The following NEK8 variants were observed in gnomAD, a reference collection of about 807,000 sequenced individuals.
NEK8 encodes serine/threonine-protein kinase Nek8.
NEK8 carries 51 observed loss-of-function variants against 77.2 expected under a neutral mutation model. That is an observed-to-expected ratio of 0.66 (90% CI 0.53 to 0.83). The LOEUF is 0.83. Ranked by LOEUF, NEK8 falls within the 40% of genes least tolerant of loss-of-function variation. NEK8 has a pLI of 0.00. For missense variants in NEK8, 787 were observed against 909.2 expected (o/e 0.87, Z 1.73); for synonymous variants, 365 against 363.2 (o/e 1.00, Z -0.06).
Position 28,740,957 on chromosome 17 carries a change from G to A in NEK8, c.1704G>A (p.Leu568=). The A allele has an allele frequency of 6.2e-7, 1 of 1,614,146 alleles. No individual in the cohort carries two copies. Among genetic ancestry groups the A allele is most frequent in the Non-Finnish European group, 8.5e-7 (1 of 1,180,028 alleles). ...AGGAGCCTCTGCTGAGTATAGACCT[G>A]GGCACTGCTCACTCAGCTGCTGTGA... ...LDQEPLLSID[L]GTAHSAAVTA... Residue 568 remains leucine, a synonymous_variant, in exon 12 of 15, where the codon CTG becomes CTA. Coordinates refer to ENST00000268766, the MANE Select transcript of NEK8 (RefSeq NM_178170.3). The surrounding 1 kb of genome is among the most constrained non-coding windows in gnomAD (Gnocchi z 4.7).
At chr17:28,736,796 T>C (rs1047706327) in intron 4 of NEK8, among the ~76,000 whole-genome samples, 3 of 152,036 alleles carry the variant, frequency 2.0e-5, no homozygotes, top group African/African-American at 7.2e-5. Context: ...TTGTCAATTT[T>C]GGCTTTTGTT....
At chr17:28,738,355 G>A (rs1017181885) in intron 8 of NEK8, 110 bp downstream of exon 8, 11 of 1,301,844 alleles carry the variant, frequency 8.4e-6, no homozygotes, top group Admixed American at 3.7e-5. Context: ...ACTAGTTATC[G>A]AGTTATTGCT....
chr17:28,731,153 C>T (rs1203186669), intron 1 of NEK8, among the ~76,000 whole-genome samples: 3 of 151,992 alleles, frequency 2.0e-5, no homozygotes, highest in Non-Finnish European at 4.4e-5. Flanking sequence ...AGGAGAATCG[C>T]TTGAACCTGG....
intron 1 of NEK8, among the ~76,000 whole-genome samples, chr17:28,730,563 C>G (rs1272599012): frequency 6.6e-6 from 1 of 152,170 alleles, no homozygotes; most frequent in Non-Finnish European, 1.5e-5. Context: ...CGTGAGCCAC[C>G]ACTCCCAGCC....
chr17:28,740,872 C>G lies in NEK8; in HGVS notation c.1619C>G (p.Pro540Arg). 2 of 1,614,080 alleles carry G rather than the reference C, an allele frequency of 1.2e-6. No individual in the cohort carries two copies. The highest frequency in any genetic ancestry group is 8.5e-7 in the Non-Finnish European group (1 of 1,179,990). ...CTCTCCCTGGGGGAGGAGCCTGTCC[C>G]CCACCAGCAAGTGGAGGAGGCCCTG... ...DHLSLGEEPV[P>R]HQQVEEALSF... Residue 540 changes from proline to arginine, a missense_variant, in exon 12 of 15, where the codon CCC (proline) becomes CGC (arginine). Coordinates refer to ENST00000268766, the MANE Select transcript of NEK8 (RefSeq NM_178170.3). The surrounding 1 kb of genome is among the most constrained non-coding windows in gnomAD (Gnocchi z 4.7).
At chr17:28,733,931 T>C in intron 1 of NEK8, 52 bp from the exon 2 acceptor site, 2 of 1,519,450 alleles carry the variant, frequency 1.3e-6, no homozygotes, top group South Asian at 1.1e-5. Context: ...CCCTGCCTGA[T>C]ATGTGGCTGG....
At chr17:28,735,671 T>A (rs1331175691) in intron 4 of NEK8, among the ~76,000 whole-genome samples, 1 of 152,090 alleles carries the variant, frequency 6.6e-6, no homozygotes, top group Admixed American at 6.5e-5. Flanking sequence ...GCAGCTCCCC[T>A]ATCAGACTAG....
chr17:28,742,369 G>A lies in NEK8; in HGVS notation c.*382G>A, dbSNP rs1039107679. The A allele has an allele frequency of 2.6e-5, 9 of 351,896 alleles. No homozygotes were observed. The East Asian group carries it at 3.4e-4, about 13-fold the overall frequency. The allele number at this position is 351,896 out of a possible 1,614,324, so 21.8% of individuals were successfully genotyped here. A position where few individuals can be genotyped will look rare whatever the true frequency, so the allele number is the denominator to read the frequency against. ...AGCACTTTGGGAGGCTGAGGCGGGC[G>A]GATCACGAGGTCAGGAGATCGAGAC... On this transcript the variant is annotated 3_prime_UTR_variant, in exon 15 of 15. Transcript: ENST00000268766.
At chr17:28,739,010 C>A in intron 9 of NEK8, 74 bp from the exon 10 acceptor site, 2 of 1,088,784 alleles carry the variant, frequency 1.8e-6, no homozygotes, top group South Asian at 1.2e-5. Context: ...CCAGCTTTGT[C>A]CCTACAGGGG....
At position 28,741,343 on chromosome 17, in the gene NEK8, A is replaced by G; in HGVS notation, c.1892-70A>G. On this transcript the variant is annotated intron_variant, in intron 13 of 14. Transcript: ENST00000268766. The surrounding 1 kb of genome is among the most constrained non-coding windows in gnomAD (Gnocchi z 4.5). ...GAGCCTCCCAGGGGCCATCCTGGCAATGTGGGAGGGGAGATCCTGCTCGGG... is the reference window on the plus strand; with the variant it reads ...GAGCCTCCCAGGGGCCATCCTGGCAGTGTGGGAGGGGAGATCCTGCTCGGG... 2 of 1,600,800 alleles carry G rather than the reference A, an allele frequency of 1.2e-6. No individual in the cohort carries two copies. Among genetic ancestry groups the G allele is most frequent in the South Asian group, 2.2e-5 (2 of 90,100 alleles).
intron 1 of NEK8, among the ~76,000 whole-genome samples, chr17:28,733,731 A>G (rs2034332387): frequency 6.6e-6 from 1 of 152,146 alleles, no homozygotes; most frequent in Non-Finnish European, 1.5e-5. Flanking sequence ...CCAGATTTGA[A>G]CCCAGGCAGT....
rs779059816 is a variant in NEK8, at chr17:28,740,920, C to T, written c.1667C>T (p.Ala556Val). 3 of 1,614,116 alleles carry T rather than the reference C, an allele frequency of 1.9e-6. No homozygotes were observed. Among genetic ancestry groups the T allele is most frequent in the Non-Finnish European group, 8.5e-7 (1 of 1,180,006 alleles). Residue 556 changes from alanine (A) to valine (V), a missense_variant, in exon 12 of 15, where the codon GCA (alanine) becomes GTA (valine). Coordinates refer to ENST00000268766, the MANE Select transcript of NEK8 (RefSeq NM_178170.3). The surrounding 1 kb of genome is among the most constrained non-coding windows in gnomAD (Gnocchi z 4.7). ...EALSFTLLGSAPLDQEPLLSI... is the reference protein window; with the variant it reads ...EALSFTLLGSVPLDQEPLLSI... ...CTGAGCTTCACACTACTAGGCTCTG[C>T]ACCCCTGGACCAGGAGCCTCTGCTG...
At chr17:28,738,776 G>A (rs1335118023) in intron 9 of NEK8, 29 bp downstream of exon 9, 1 of 1,565,824 alleles carries the variant, frequency 6.4e-7, no homozygotes, top group Non-Finnish European at 8.8e-7. Flanking sequence ...TTGGGAAGGG[G>A]AAGTCGGGGG....
At position 28,734,152 on chromosome 17, in the gene NEK8, G is replaced by C; in HGVS notation, c.217G>C (p.Asp73His). The C allele has an allele frequency of 1.2e-6, 2 of 1,614,244 alleles. No homozygotes were observed. The highest frequency in any genetic ancestry group is 1.1e-5 in the South Asian group (1 of 91,086). Residue 73 changes from aspartate (D) to histidine (H), a missense_variant, in exon 2 of 15, where the codon GAC becomes CAC. By Grantham distance (81) the Asp-to-His change is moderately conservative (BLOSUM62 -1). Transcript: ENST00000268766. ...TGAGTACTACGAGAACTTCCTGGAA[G>C]ACAAAGCCCTTATGATCGCCATGGA... The part of the protein sequence containing the change: ...VIEYYENFLE[D>H]KALMIAMEYA...
At chr17:28,735,082 C>A (rs569812171) in intron 3 of NEK8, 78 bp downstream of exon 3, 28 of 1,505,920 alleles carry the variant, frequency 1.9e-5, no homozygotes, top group African/African-American at 1.6e-4. Flanking sequence ...CTCCCCTCCC[C>A]CTAAAAAACC....
rs532242830 is a variant in NEK8, at chr17:28,728,947, C to G, written c.47+87C>G. On this transcript the variant is annotated intron_variant, in intron 1 of 14. Transcript: ENST00000268766. Reference sequence around the variant, plus strand: ...CCCGCGAAGTCGCCGCCCGCCTAATCCCGCCCCAAGGCGTGAGCGCCACTC... The same window carrying G: ...CCCGCGAAGTCGCCGCCCGCCTAATGCCGCCCCAAGGCGTGAGCGCCACTC... The G allele has an allele frequency of 7.9e-6, 10 of 1,258,038 alleles. No individual in the cohort carries two copies. The Admixed American group carries it at 9.9e-5, about 12-fold the overall frequency. 77.9% of individuals were successfully genotyped at this position (1,258,038 alleles called of 1,614,324 possible). A position where few individuals can be genotyped will look rare whatever the true frequency, so the allele number is the denominator to read the frequency against.
At chr17:28,729,532 A>AT (rs10523946) in intron 1 of NEK8, among the ~76,000 whole-genome samples, 14,662 of 98,070 alleles carry the variant, frequency 0.15, 1,121 homozygotes, top group Middle Eastern at 0.2. Flanking sequence ...AATTTTTTGG[A>AT]TTTTTTTTTT....
At chr17:28,732,545 CTTTTTTTTTTTTT>C (rs1054257308) in intron 1 of NEK8, among the ~76,000 whole-genome samples, 2 of 77,914 alleles carry the variant, frequency 2.6e-5, no homozygotes, top group African/African-American at 5.4e-5. Flanking sequence ...TTTTTCTTTT[CTTTTTTTTTTTTT>C]TTTTTTTTTT....
chr17:28,734,121 T>A lies in NEK8; in HGVS notation c.186T>A (p.Asn62Lys), dbSNP rs2034337294. The A allele has an allele frequency of 1.2e-6, 2 of 1,614,044 alleles. No individual in the cohort carries two copies. The highest frequency in any genetic ancestry group is 2.7e-5 in the African/African-American group (2 of 74,924). ...CQVLKLLNHP[N>K]VIEYYENFLE... is the part of the protein sequence containing the mutation. ...TCCTCAAGCTGCTCAACCACCCCAATGTCATTGAGTACTACGAGAACTTCC... is the reference window on the plus strand; with the variant it reads ...TCCTCAAGCTGCTCAACCACCCCAAAGTCATTGAGTACTACGAGAACTTCC... The change falls in exon 2 of 15, where the codon AAT (asparagine) becomes AAA (lysine). Residue 62 changes from asparagine (N) to lysine (K), a missense_variant. Around this residue, in one of 2 missense-constraint regions of NEK8, gnomAD observed 271 missense variants for 365.1 expected, o/e 0.74. Transcript: ENST00000268766.
Sources: gnomAD v4.1 joint callset for allele counts (sites outside exome capture counted in the v4.1 genomes callset) on GRCh38, gnomAD v4.1.1 for gene constraint, gnomAD v4.1.1 regional missense constraint, Gnocchi (gnomAD v3.1) non-coding constraint, MANE v1.5 for transcripts, NCBI Gene and HGNC (gene_info 2026-07-23, HGNC 2026-07-21) for gene names.